The following HDGF variants were observed in gnomAD, a reference collection of about 807,000 sequenced individuals.
HDGF encodes the protein heparin binding growth factor.
HDGF carries 5 observed loss-of-function variants against 30.0 expected under a neutral mutation model. The observed-to-expected ratio is 0.17, with a 90% confidence interval of 0.09 to 0.35. The LOEUF is 0.35. Ranked by LOEUF, HDGF falls within the 10% of genes least tolerant of loss-of-function variation. HDGF has a pLI of 1.00. For synonymous variants in HDGF, 133 were observed against 112.7 expected, an observed-to-expected ratio of 1.18 and a Z score of -1.14; for missense variants, 214 against 302.8, an observed-to-expected ratio of 0.71 and a Z score of 2.18.
intron 1 of HDGF, among the ~76,000 whole-genome samples, chr1:156,763,936 C>T (rs1651303159): frequency 6.8e-6 from 1 of 146,446 alleles, no homozygotes; most frequent in African/African-American, 2.5e-5. Context: ...CATGCTCTGT[C>T]ACCCAGGCTG....
At chr1:156,755,363 C>T (rs1651138119), upstream of HDGF, among the ~76,000 whole-genome samples, 3 of 152,078 alleles carry the variant, frequency 2.0e-5, no homozygotes, top group Non-Finnish European at 4.4e-5. Flanking sequence ...ATGGAGTTTA[C>T]AGTAATGGGG....
In HDGF at chr1:156,743,797, G is replaced by A. The variant is rs771176911; in HGVS notation, c.571C>T (p.Leu191Phe). 1.1e-5 allele frequency: 17 copies of A among 1,608,582 alleles called. No individual in the cohort carries two copies. The highest frequency in any genetic ancestry group is 6.7e-5 in the African/African-American group (5 of 74,698). Residue 191 changes from leucine to phenylalanine, a missense_variant, in exon 5 of 6, where the codon CTT (leucine) becomes TTT (phenylalanine). Around this residue, in one of 2 missense-constraint regions of HDGF, gnomAD observed 176 missense variants for 211.7 expected, o/e 0.83. Coordinates refer to ENST00000357325, the MANE Select transcript of HDGF (RefSeq NM_004494.3). ...CTATTCTTTTCCACCTCCATAGGAA[G>A]GGGCCTCTCAACCTCCAAGGTGGCT... ...EAATLEVERP[L>F]PMEVEKNSTP...
upstream of HDGF, among the ~76,000 whole-genome samples, chr1:156,752,615 C>A (rs1351783913): frequency 6.6e-6 from 1 of 152,162 alleles, no homozygotes; most frequent in African/African-American, 2.4e-5. Context: ...TTGCCAAATT[C>A]TGCGAGACTA....
At position 156,751,620 on chromosome 1, in the gene HDGF, G is replaced by T; in HGVS notation, c.-191C>A. 1.0e-6 allele frequency: 1 copy of T among 985,718 alleles called. No individual in the cohort carries two copies. The highest frequency in any genetic ancestry group is 1.1e-4 in the East Asian group (1 of 8,810). The allele number at this position is 985,718 out of a possible 1,614,324, so 61.1% of individuals were successfully genotyped here. ...GCGCCGCACGGACGGGGCGGGCGCG[G>T]ATCGGGGCAAGGCTCCGGCGCGGTG... On this transcript the variant is annotated 5_prime_UTR_variant, in exon 1 of 6. Transcript: ENST00000357325. This position sits in a 1 kb window ranked among gnomAD's most constrained non-coding sequence, Gnocchi z 4.7.
chr1:156,756,277 A>G (rs984590123), upstream of HDGF, among the ~76,000 whole-genome samples: 2 of 152,186 alleles, frequency 1.3e-5, no homozygotes, highest in Non-Finnish European at 2.9e-5. Context: ...AAATAAATAA[A>G]GTTCTTTGCA....
intron 1 of HDGF, among the ~76,000 whole-genome samples, chr1:156,759,785 A>T (rs1651217517): frequency 6.6e-6 from 1 of 152,132 alleles, no homozygotes; most frequent in Admixed American, 6.6e-5. Context: ...CAGTCACCCC[A>T]TTCATTTTAA....
At chr1:156,753,870 G>C (rs1365624252), upstream of HDGF, among the ~76,000 whole-genome samples, 1 of 151,788 alleles carries the variant, frequency 6.6e-6, no homozygotes, top group Non-Finnish European at 1.5e-5. Flanking sequence ...TTATAAACAT[G>C]CACAGTTTCA....
chr1:156,750,427 A>ATG (rs1650882516), intron 1 of HDGF, among the ~76,000 whole-genome samples: 1 of 152,088 alleles, frequency 6.6e-6, no homozygotes, highest in Non-Finnish European at 1.5e-5. Flanking sequence ...TGAGCACACC[A>ATG]GGCTTGGCTG....
At chr1:156,745,241 C>A (rs1650444131) in intron 2 of HDGF, 56 bp downstream of exon 2, 3 of 1,610,350 alleles carry the variant, frequency 1.9e-6, no homozygotes, top group Non-Finnish European at 2.5e-6. Context: ...CCTCACCTTC[C>A]CCAGAGTAGT....
At chr1:156,764,767 T>C (rs1231888912) in intron 1 of HDGF, among the ~76,000 whole-genome samples, 1 of 151,368 alleles carries the variant, frequency 6.6e-6, no homozygotes, top group Non-Finnish European at 1.5e-5. Flanking sequence ...ACACCTGTAA[T>C]CCCAGCTACT....
Position 156,744,237 on chromosome 1 carries a change from G to C in HDGF, c.415C>G (p.Leu139Val), listed in dbSNP as rs1650347630. The C allele has an allele frequency of 1.2e-6, 2 of 1,614,160 alleles. No homozygotes were observed. Among genetic ancestry groups the C allele is most frequent in the Non-Finnish European group, 1.7e-6 (2 of 1,180,028 alleles). Residue 139 changes from leucine (L) to valine (V), a missense_variant, in exon 4 of 6, where the codon CTG (leucine) becomes GTG (valine). Leu to Val is a conservative substitution (Grantham distance 32). Transcript: ENST00000357325. ...TCCTTGGCTGGCTCATCAATGACCAGCTTCCCTTCCTCGTCGCTGCTGCCC... is the reference window on the plus strand; with the variant it reads ...TCCTTGGCTGGCTCATCAATGACCACCTTCCCTTCCTCGTCGCTGCTGCCC... ...AEGSSDEEGK[L>V]VIDEPAKEKN...
chr1:156,748,125 C>T (rs943361034), intron 1 of HDGF, among the ~76,000 whole-genome samples: 3 of 152,174 alleles, frequency 2.0e-5, no homozygotes, highest in Admixed American at 1.3e-4. Flanking sequence ...AGCATCATCC[C>T]ACCTGGCTCC....
In HDGF at chr1:156,743,649, C is replaced by T. The variant is rs1438437715; in HGVS notation, c.716+3G>A. 6.2e-7 allele frequency: 1 copy of T among 1,608,906 alleles called. No individual in the cohort carries two copies. Among genetic ancestry groups the T allele is most frequent in the Non-Finnish European group, 8.5e-7 (1 of 1,175,380 alleles). ...CTGCCAAGGGGTCAGGGGGCTCACT[C>T]ACCTCTCATGATCTCTGATGCCTGG... On this transcript the variant is annotated splice_donor_region_variant and intron_variant, in intron 5 of 5. Coordinates refer to ENST00000357325, the MANE Select transcript of HDGF (RefSeq NM_004494.3).
chr1:156,759,642 C>T (rs770777131), intron 1 of HDGF, among the ~76,000 whole-genome samples: 7 of 152,092 alleles, frequency 4.6e-5, no homozygotes, highest in Admixed American at 6.6e-5. Flanking sequence ...CCACCATGCC[C>T]GGCTCATTTT....
chr1:156,766,980 G>A (rs1317619116), upstream of HDGF: 2 of 152,178 alleles, frequency 1.3e-5, no homozygotes, highest in African/African-American at 2.4e-5. Context: ...CTGCAGCCTC[G>A]CTTCTTTCTG....
chr1:156,767,198 C>T (rs577607767), upstream of HDGF, among the ~76,000 whole-genome samples: 20 of 152,268 alleles, frequency 1.3e-4, no homozygotes, highest in Non-Finnish European at 2.5e-4. Flanking sequence ...TCATATCTCC[C>T]AGAAATCTTA....
At chr1:156,766,861 C>T (rs1386332954) in exon 1 of HDGF, 1 of 152,338 alleles carries the variant, frequency 6.6e-6, no homozygotes, top group Non-Finnish European at 1.5e-5. Context: ...AGGCCCCAGG[C>T]TCCAGGGTAA....
intron 2 of HDGF, among the ~76,000 whole-genome samples, chr1:156,758,170 C>T (rs961607314): frequency 1.3e-5 from 2 of 152,054 alleles, no homozygotes; most frequent in Non-Finnish European, 2.9e-5. Flanking sequence ...TGGTGGCGCA[C>T]ATCTGTAATC....
At chr1:156,763,709 C>A (rs1473267132) in intron 1 of HDGF, among the ~76,000 whole-genome samples, 1 of 150,418 alleles carries the variant, frequency 6.6e-6, no homozygotes, top group Non-Finnish European at 1.5e-5. Flanking sequence ...CCTTAGCCTC[C>A]CGAGTAGCTG....
Sources: allele counts gnomAD v4.1 joint callset (sites outside exome capture counted in the v4.1 genomes callset), GRCh38; gene constraint gnomAD v4.1.1; regional missense constraint gnomAD v4.1.1; non-coding constraint Gnocchi (gnomAD v3.1); transcripts MANE v1.5; gene names NCBI Gene and HGNC (gene_info 2026-07-23, HGNC 2026-07-21).